Variants in MRTFB observed in about 807,000 individuals in gnomAD.
MRTFB encodes the protein myocardin-related transcription factor B.
Under a neutral mutation model 104.2 loss-of-function variants are expected in MRTFB, and 29 were observed. The ratio of observed to expected loss-of-function variants is 0.28; its 90% CI spans 0.21 to 0.38. The LOEUF (loss-of-function observed/expected upper bound fraction) is 0.38. Ranked by LOEUF, MRTFB falls within the 10% of genes least tolerant of loss-of-function variation. The probability of loss-of-function intolerance (pLI) is 1.00; values close to 1 mark genes in which losing one functional copy is unlikely to be tolerated. For synonymous variants in MRTFB, 535 were observed against 519.5 expected (o/e 1.03, Z -0.41); for missense variants, 1,270 against 1,341.6 (o/e 0.95, Z 0.83).
In MRTFB at chr16:14,240,386, C is replaced by G. The variant is rs1262937880; in HGVS notation, c.981C>G (p.Ala327=). The G allele has an allele frequency of 2.5e-6, 4 of 1,614,190 alleles. No homozygotes were observed. Among genetic ancestry groups the G allele is most frequent in the African/African-American group, 2.7e-5 (2 of 75,030 alleles). The change falls in exon 10 of 17, where the codon GCC becomes GCG. Residue 327 remains alanine (A), a synonymous_variant. Coordinates refer to ENST00000571589, the MANE Select transcript of MRTFB (RefSeq NM_001308142.2). ...AGCCGCAGATGGACTCTAACTACGC[C>G]CGCCTGCTCCAGCAGCAGCAGCTGT... ...KNEPQMDSNY[A]RLLQQQQLFL... is the part of the protein sequence containing the mutation.
the MRTFB span, among the ~76,000 whole-genome samples, chr16:14,026,608 A>G: frequency 1.3e-5 from 2 of 152,246 alleles, no homozygotes; most frequent in African/African-American, 4.8e-5. Context: ...AAAGATGGAA[A>G]GACAGGCACA....
chr16:14,049,169 G>C, the MRTFB span, among the ~76,000 whole-genome samples: 3 of 152,190 alleles, frequency 2.0e-5, no homozygotes, highest in Non-Finnish European at 4.4e-5. Context: ...CCACCACACA[G>C]AATTATCTGG....
intron 3 of MRTFB, among the ~76,000 whole-genome samples, chr16:14,153,743 A>G (rs777185394): frequency 6.6e-6 from 1 of 152,192 alleles, no homozygotes; most frequent in East Asian, 1.9e-4. Flanking sequence ...GAAAATACAT[A>G]TATTTCTTAA....
At chr16:14,204,954 A>T (rs1345365166) in intron 3 of MRTFB, among the ~76,000 whole-genome samples, 1 of 152,250 alleles carries the variant, frequency 6.6e-6, no homozygotes, top group Non-Finnish European at 1.5e-5. Flanking sequence ...TAGTTAAAAA[A>T]TTGGAAACAA....
At chr16:14,222,451 A>G (rs921529829) in intron 8 of MRTFB, among the ~76,000 whole-genome samples, 29 of 151,890 alleles carry the variant, frequency 1.9e-4, no homozygotes, top group Admixed American at 2.0e-4. Context: ...CTCACCAGCT[A>G]TCGTTAATGT....
the MRTFB span, among the ~76,000 whole-genome samples, chr16:14,007,442 A>G: frequency 6.6e-6 from 1 of 152,188 alleles, no homozygotes; most frequent in African/African-American, 2.4e-5. Context: ...GTTTCATCAT[A>G]TGTATAAAGC....
the MRTFB span, among the ~76,000 whole-genome samples, chr16:14,028,196 A>AAAC: frequency 1.4e-5 from 2 of 142,948 alleles, no homozygotes; most frequent in Admixed American, 1.4e-4. Flanking sequence ...AAAAACAAAC[A>AAAC]AACACAACAC....
At chr16:14,184,071 T>TAAA (rs1567425329) in intron 3 of MRTFB, among the ~76,000 whole-genome samples, 3 of 6,894 alleles carry the variant, frequency 4.4e-4, no homozygotes, top group African/African-American at 2.2e-3. Flanking sequence ...ATCCTGAAAT[T>TAAA]TAAAAAAAAA....
chr16:14,194,348 G>A (rs912142029), intron 3 of MRTFB, among the ~76,000 whole-genome samples: 6 of 152,236 alleles, frequency 3.9e-5, no homozygotes, highest in Non-Finnish European at 8.8e-5. Context: ...TGCACAGGGA[G>A]AGAAAGAAAG....
rs1255761644 is a variant in MRTFB, at chr16:14,263,177, G to A, written c.*1733G>A. On this transcript the variant is annotated 3_prime_UTR_variant, in exon 17 of 17. Transcript: ENST00000571589. Reference sequence around the variant, plus strand: ...CAGACGGTTCAAGGCAGAGGCCACTGTGCTCAGTGTAGTCTGTGATGAATA... The same window carrying A: ...CAGACGGTTCAAGGCAGAGGCCACTATGCTCAGTGTAGTCTGTGATGAATA... 1 of 152,246 alleles carries A rather than the reference G, an allele frequency of 6.6e-6. No individual in the cohort carries two copies. The highest frequency in any genetic ancestry group is 2.4e-5 in the African/African-American group (1 of 41,458). 9.4% of individuals were successfully genotyped at this position (152,246 alleles called of 1,614,324 possible).
chr16:14,045,801 A>C, the MRTFB span, among the ~76,000 whole-genome samples: 2 of 152,206 alleles, frequency 1.3e-5, no homozygotes, highest in Non-Finnish European at 2.9e-5. Flanking sequence ...TTTGGATGCT[A>C]ATAGTCAAAT....
intron 8 of MRTFB, among the ~76,000 whole-genome samples, chr16:14,231,728 A>C (rs1011236863): frequency 2.0e-5 from 3 of 152,200 alleles, no homozygotes; most frequent in African/African-American, 7.2e-5. Context: ...ACATCACTTC[A>C]AAATTACTCA....
intron 3 of MRTFB, among the ~76,000 whole-genome samples, chr16:14,180,669 T>A (rs1401368471): frequency 4.6e-5 from 7 of 152,170 alleles, no homozygotes; most frequent in African/African-American, 1.7e-4. Context: ...GTGCTGCCAT[T>A]CCCTTGTCCC....
At chr16:14,230,562 G>C (rs1486304828) in intron 8 of MRTFB, among the ~76,000 whole-genome samples, 1 of 152,058 alleles carries the variant, frequency 6.6e-6, no homozygotes, top group Non-Finnish European at 1.5e-5. Context: ...TCAGAGAAAT[G>C]CAAATCAAAA....
intron 3 of MRTFB, among the ~76,000 whole-genome samples, chr16:14,182,060 C>CAAAT (rs200394815): frequency 0.11 from 17,173 of 152,108 alleles, 2,199 homozygotes; most frequent in African/African-American, 0.32. Flanking sequence ...ACATTAGAGC[C>CAAAT]AAATGACAGT....
chr16:14,134,726 C>T (rs2037620537), intron 2 of MRTFB, among the ~76,000 whole-genome samples: 1 of 152,192 alleles, frequency 6.6e-6, no homozygotes, highest in African/African-American at 2.4e-5. Flanking sequence ...CCCCACTCCC[C>T]AACATCTCTC....
intron 2 of MRTFB, among the ~76,000 whole-genome samples, chr16:14,121,742 A>G (rs2036855370): frequency 6.6e-6 from 1 of 152,216 alleles, no homozygotes; most frequent in African/African-American, 2.4e-5. Context: ...GCAATACCAA[A>G]GGGTGTAGAA....
chr16:14,248,799 A>G, intron 12 of MRTFB, 127 bp from the exon 13 acceptor site: 1 of 923,358 alleles, frequency 1.1e-6, no homozygotes, highest in Non-Finnish European at 1.6e-6. Flanking sequence ...TGAAGTGTGT[A>G]TCTGTAACCT....
chr16:14,247,395 C>T lies in MRTFB; in HGVS notation c.2135C>T (p.Ala712Val), dbSNP rs1486925106. The T allele has an allele frequency of 1.2e-6, 2 of 1,613,608 alleles. No individual in the cohort carries two copies. Among genetic ancestry groups the T allele is most frequent in the South Asian group, 1.1e-5 (1 of 91,082 alleles). The change falls in exon 12 of 17, where the codon GCT (alanine) becomes GTT (valine). Residue 712 changes from alanine (A) to valine (V), a missense_variant. Around this residue, in one of 3 missense-constraint regions of MRTFB, gnomAD observed 1,144 missense variants for 1,131.5 expected, o/e 1.01. Coordinates refer to ENST00000571589, the MANE Select transcript of MRTFB (RefSeq NM_001308142.2). ...GGACAGCCACCGCCTGCTGTTGTTG[C>T]TCAGCCCCAGGCTTTACTGACCACG... Reference protein sequence around the residue: ...SQGQPPPAVVAQPQALLTTQT... With the variant: ...SQGQPPPAVVVQPQALLTTQT...
Sources: allele counts gnomAD v4.1 joint callset (sites outside exome capture counted in the v4.1 genomes callset), GRCh38; gene constraint gnomAD v4.1.1; regional missense constraint gnomAD v4.1.1; transcripts MANE v1.5; gene names NCBI Gene and HGNC (gene_info 2026-07-23, HGNC 2026-07-21).